OGDH: variants seen among roughly 807,000 people sequenced by gnomAD.
OGDH encodes the protein oxoglutarate dehydrogenase.
In OGDH, 38 loss-of-function variants were observed where a neutral mutation model predicts 116.6. That is an observed-to-expected ratio of 0.33 (90% CI 0.25 to 0.43). OGDH has a LOEUF of 0.43. OGDH is among the 20% of genes least tolerant of loss of function. OGDH has a pLI of 1.00. For synonymous variants in OGDH, 488 were observed against 533.3 expected (o/e 0.92, Z 1.17); for missense variants, 825 against 1,357.2 (o/e 0.61, Z 6.16).
intron 1 of OGDH, among the ~76,000 whole-genome samples, chr7:44,620,534 C>G (rs1462251876): frequency 6.6e-6 from 1 of 152,192 alleles, no homozygotes; most frequent in Non-Finnish European, 1.5e-5. Flanking sequence ...CAACTTCATT[C>G]CTCTTTAGAC....
At chr7:44,628,831 C>G (rs2117319994) in intron 2 of OGDH, among the ~76,000 whole-genome samples, 1 of 152,118 alleles carries the variant, frequency 6.6e-6, no homozygotes, top group East Asian at 1.9e-4. Context: ...CAAATCAGAG[C>G]TGCAAGTACC....
chr7:44,610,900 G>C (rs184069348), intron 1 of OGDH, among the ~76,000 whole-genome samples: 2 of 152,110 alleles, frequency 1.3e-5, no homozygotes, highest in African/African-American at 4.8e-5. Flanking sequence ...GAGCCACCGC[G>C]CTCAGCCCCT....
chr7:44,701,582 G>A lies in OGDH; in HGVS notation c.2599G>A (p.Glu867Lys), dbSNP rs1235784641. The A allele has an allele frequency of 5.6e-6, 9 of 1,614,172 alleles. No individual in the cohort carries two copies. The highest frequency in any genetic ancestry group is 2.2e-5 in the East Asian group (1 of 44,882). The change falls in exon 20 of 23, where the codon GAG becomes AAG. Residue 867 changes from glutamate (E) to lysine (K), a missense_variant. Glu to Lys is a moderately conservative substitution (Grantham distance 56, BLOSUM62 1). This residue lies in a region of OGDH where 212 missense variants were observed against 284.3 expected (regional missense o/e 0.75). Transcript: ENST00000222673. ...CCCCAAATCCCTGTTGCGCCACCCC[G>A]AGGCCAGATCCAGCTTTGATGAGAT... ...FTPKSLLRHP[E>K]ARSSFDEMLP...
chr7:44,687,603 G>C (rs371923317), intron 10 of OGDH, among the ~76,000 whole-genome samples: 24 of 151,172 alleles, frequency 1.6e-4, no homozygotes, highest in African/African-American at 5.8e-4. Flanking sequence ...TTTTTTTGTA[G>C]AGACAGGGTT....
chr7:44,705,153 C>T (rs1462439787), intron 20 of OGDH, among the ~76,000 whole-genome samples: 1 of 138,108 alleles, frequency 7.2e-6, no homozygotes, highest in Admixed American at 7.3e-5. Flanking sequence ...CCCGGGTTCA[C>T]GCCATTCTCC....
At chr7:44,607,167 T>C (rs1467144593) in intron 1 of OGDH, among the ~76,000 whole-genome samples, 1 of 152,174 alleles carries the variant, frequency 6.6e-6, no homozygotes, top group Non-Finnish European at 1.5e-5. Context: ...AGCATCTGGC[T>C]TTGGGGTGGC....
Position 44,707,811 on chromosome 7 carries a change from C to G in OGDH, c.2952-68C>G. 2 of 1,609,274 alleles carry G rather than the reference C, an allele frequency of 1.2e-6. No individual in the cohort carries two copies. Among genetic ancestry groups the G allele is most frequent in the Non-Finnish European group, 1.7e-6 (2 of 1,177,284 alleles). On this transcript the variant is annotated intron_variant, in intron 22 of 22. Transcript: ENST00000222673. This position sits in a 1 kb window ranked among gnomAD's most constrained non-coding sequence, Gnocchi z 5.2. The stretch of plus-strand genomic sequence containing the variant: ...CAGTAGGCAGTTAGCCAGGCACATG[C>G]AGCAGAGGGATGGGCTGGGCCAACT...
At chr7:44,676,425 C>T (rs988372729) in intron 9 of OGDH, 21 of 565,284 alleles carry the variant, frequency 3.7e-5, no homozygotes, top group Middle Eastern at 5.5e-4. Context: ...CGTGGTGGCG[C>T]GCGCCTGTAA....
chr7:44,650,878 A>C (rs549433403), intron 4 of OGDH, among the ~76,000 whole-genome samples: 1 of 152,024 alleles, frequency 6.6e-6, no homozygotes, highest in Non-Finnish European at 1.5e-5. Flanking sequence ...TCACATGACT[A>C]TTTCCCCAGA....
At chr7:44,670,780 G>A (rs1185533457) in intron 5 of OGDH, among the ~76,000 whole-genome samples, 1 of 152,032 alleles carries the variant, frequency 6.6e-6, no homozygotes, top group Non-Finnish European at 1.5e-5. Flanking sequence ...GGAGGCCAAG[G>A]CGGGCGAATC....
chr7:44,656,008 A>G (rs956430543), intron 4 of OGDH, among the ~76,000 whole-genome samples: 1 of 152,188 alleles, frequency 6.6e-6, no homozygotes, highest in African/African-American at 2.4e-5. Context: ...CTTGAAGCTA[A>G]GGAGATGAGG....
intron 10 of OGDH, among the ~76,000 whole-genome samples, chr7:44,686,958 A>G (rs924773005): frequency 2.0e-5 from 3 of 151,640 alleles, no homozygotes; most frequent in Non-Finnish European, 4.4e-5. Context: ...AAGTGCTGGG[A>G]TTACAGGCAT....
chr7:44,693,373 G>A (rs749995946), intron 10 of OGDH, among the ~76,000 whole-genome samples: 2 of 151,688 alleles, frequency 1.3e-5, no homozygotes, highest in Non-Finnish European at 2.9e-5. Context: ...TCGGGAAGCC[G>A]AGACAGGAGG....
chr7:44,647,835 C>T, intron 4 of OGDH, 76 bp downstream of exon 4: 1 of 1,122,608 alleles, frequency 8.9e-7, no homozygotes, highest in Non-Finnish European at 1.4e-6. Flanking sequence ...GCCAGGATGT[C>T]CAGGCAGGAG....
At chr7:44,673,144 T>G (rs1489177625) in intron 5 of OGDH, among the ~76,000 whole-genome samples, 1 of 151,952 alleles carries the variant, frequency 6.6e-6, no homozygotes, top group Admixed American at 6.6e-5. Flanking sequence ...GGCAGAAGGA[T>G]CATTTGAGCC....
chr7:44,648,135 C>G lies in OGDH; in HGVS notation c.517+376C>G, dbSNP rs563158692. 3.3e-5 allele frequency among the ~76,000 whole-genome samples: 5 copies of G among 152,308 alleles called. No homozygotes were observed. The East Asian group carries it at 9.6e-4, about 29-fold the overall frequency. ...TGAGGCATGTCCATGAGGCCTTGCT[C>G]AGGAACTGCTGACACAGCCATCCTT... On this transcript the variant is annotated intron_variant, in intron 4 of 22. Coordinates refer to ENST00000222673, the MANE Select transcript of OGDH (RefSeq NM_002541.4).
At chr7:44,705,717 T>C (rs141663619) in intron 20 of OGDH, among the ~76,000 whole-genome samples, 2 of 152,278 alleles carry the variant, frequency 1.3e-5, no homozygotes, top group African/African-American at 4.8e-5. Context: ...ATTCTGTTTG[T>C]ATCATAAATG....
chr7:44,660,622 G>GT (rs1483819746), intron 4 of OGDH, among the ~76,000 whole-genome samples: 3 of 152,208 alleles, frequency 2.0e-5, no homozygotes, highest in Non-Finnish European at 1.5e-5. Flanking sequence ...ATTGTTGGGT[G>GT]GAGTATTCTC....
chr7:44,666,610 A>AT (rs1787194589), intron 4 of OGDH, 126 bp from the exon 5 acceptor site: 1 of 430,206 alleles, frequency 2.3e-6, no homozygotes, highest in Non-Finnish European at 4.2e-6. Flanking sequence ...GGGGCTTTTT[A>AT]TATGATTTTT....
Sources: allele counts gnomAD v4.1 joint callset (sites outside exome capture counted in the v4.1 genomes callset), GRCh38; gene constraint gnomAD v4.1.1; regional missense constraint gnomAD v4.1.1; non-coding constraint Gnocchi (gnomAD v3.1); transcripts MANE v1.5; gene names NCBI Gene and HGNC (gene_info 2026-07-23, HGNC 2026-07-21).